DKK3: variants seen among roughly 807,000 people sequenced by gnomAD.
DKK3 encodes the protein dickkopf-related protein 3.
Under a neutral mutation model 33.2 loss-of-function variants are expected in DKK3, and 22 were observed. The ratio of observed to expected loss-of-function variants is 0.66; its 90% CI spans 0.47 to 0.95. The LOEUF is 0.95. Ranked by LOEUF, DKK3 falls within the 40% of genes least tolerant of loss-of-function variation. The pLI, the probability that DKK3 is intolerant of heterozygous loss-of-function variation, is 0.00. For missense variants in DKK3, 398 were observed against 458.4 expected (o/e 0.87, Z 1.20); for synonymous variants, 194 against 188.8 (o/e 1.03, Z -0.23).
intron 3 of DKK3, among the ~76,000 whole-genome samples, chr11:11,970,459 G>C (rs1847700352): frequency 6.6e-6 from 1 of 152,220 alleles, no homozygotes; most frequent in African/African-American, 2.4e-5. Context: ...GAAGAAATTA[G>C]AAAGGTTGAA....
At chr11:11,981,007 G>C (rs1425810257) in intron 3 of DKK3, among the ~76,000 whole-genome samples, 1 of 152,130 alleles carries the variant, frequency 6.6e-6, no homozygotes, top group African/African-American at 2.4e-5. Flanking sequence ...CAGCTTCTTC[G>C]ACCAAGGGAC....
At position 11,963,222 on chromosome 11, in the gene DKK3, G is replaced by C. The variant is rs927601845; in HGVS notation, c.*1242C>G. ...TGCAACTTTAAACTTTAAGAACTCT[G>C]GATGAATACATGGTGGCAACAGTCC... is the stretch of plus-strand genomic sequence containing the variant. On this transcript the variant is annotated 3_prime_UTR_variant, in exon 7 of 7. Coordinates refer to ENST00000683431, the MANE Select transcript of DKK3 (RefSeq NM_001018057.2). The C allele has an allele frequency of 6.6e-6, 1 of 152,644 alleles. No individual in the cohort carries two copies. Among genetic ancestry groups the C allele is most frequent in the Non-Finnish European group, 1.5e-5 (1 of 68,038 alleles). 9.5% of individuals were successfully genotyped at this position (152,644 alleles called of 1,614,324 possible).
Position 11,967,107 on chromosome 11 carries a change from AGGTGGAAAGAGCCTAGAGCCAGC to A in DKK3, c.529-32_529-10del. 6.2e-7 allele frequency: 1 copy of A among 1,612,514 alleles called. No homozygotes were observed. Among genetic ancestry groups the A allele is most frequent in the Non-Finnish European group, 8.5e-7 (1 of 1,179,432 alleles). ...CTGTCCCGGGTGCAGAGCTGCAGACAGGTGGAAAGAGCCTAGAGCCAGCGGCTTAGGGACTGGGGGCCTGCTGA... is the reference window on the plus strand; with the variant it reads ...CTGTCCCGGGTGCAGAGCTGCAGACAGGCTTAGGGACTGGGGGCCTGCTGA... On this transcript the variant is annotated splice_polypyrimidine_tract_variant and intron_variant, in intron 4 of 6. Coordinates refer to ENST00000683431, the MANE Select transcript of DKK3 (RefSeq NM_001018057.2).
chr11:11,964,349 A>G lies in DKK3; in HGVS notation c.*115T>C, dbSNP rs2134977644. ...CCTCATGCTGTCAAGCCAGAGGGGA[A>G]ACTTACTGGGAAGAAGATGTAGGAA... is the stretch of plus-strand genomic sequence containing the variant. On this transcript the variant is annotated 3_prime_UTR_variant, in exon 7 of 7. Transcript: ENST00000683431. 1 of 1,353,634 alleles carries G rather than the reference A, an allele frequency of 7.4e-7. No homozygotes were observed. Among genetic ancestry groups the G allele is most frequent in the Non-Finnish European group, 1.0e-6 (1 of 995,308 alleles). The allele number at this position is 1,353,634 out of a possible 1,614,324, so 83.9% of individuals were successfully genotyped here.
At chr11:11,969,473 C>T (rs967652044) in intron 3 of DKK3, among the ~76,000 whole-genome samples, 9 of 152,134 alleles carry the variant, frequency 5.9e-5, no homozygotes, top group African/African-American at 2.2e-4. Context: ...CAGAGAGGTC[C>T]CTCCAAGATA....
At chr11:11,969,052 G>C (rs529616762) in intron 3 of DKK3, among the ~76,000 whole-genome samples, 1 of 152,088 alleles carries the variant, frequency 6.6e-6, no homozygotes, top group Non-Finnish European at 1.5e-5. Flanking sequence ...ATTAGAGGAG[G>C]GTGGCTGGAC....
In DKK3 at chr11:11,989,321, T is replaced by C. The variant is rs1386318458; in HGVS notation, c.435+9375A>G. ...AAGGTGGAAGCAACCCAAGGGTGCA[T>C]TGACAAATGAATGGAGAAACAAAAC... On this transcript the variant is annotated intron_variant, in intron 3 of 6. Coordinates refer to ENST00000683431, the MANE Select transcript of DKK3 (RefSeq NM_001018057.2). Among the ~76,000 whole-genome samples, 7 of 152,182 alleles carry C rather than the reference T, an allele frequency of 4.6e-5. No homozygotes were observed. In the East Asian group the frequency reaches 7.7e-4, roughly 17 times the overall value.
Position 11,998,844 on chromosome 11 carries a change from TTTTGTG to T in DKK3, c.352-71_352-66del, listed in dbSNP as rs1789412212. ...ATTCTGGACAAATTCCACAAGTTGT[TTTTGTG>T]TTTTGTTTTCCATTTTCTGAAGCAG... On this transcript the variant is annotated intron_variant, in intron 2 of 6. Transcript: ENST00000683431. 2.0e-6 allele frequency: 3 copies of T among 1,472,740 alleles called. No individual in the cohort carries two copies. In the African/African-American group the frequency reaches 4.2e-5, roughly 21 times the overall value. 91.2% of individuals were successfully genotyped at this position (1,472,740 alleles called of 1,614,324 possible).
chr11:12,005,034 C>T (rs755813315), intron 1 of DKK3, among the ~76,000 whole-genome samples: 14 of 152,122 alleles, frequency 9.2e-5, no homozygotes, highest in African/African-American at 2.2e-4. Context: ...TAGAAAAAAA[C>T]GCAGCTGGGA....
intron 3 of DKK3, among the ~76,000 whole-genome samples, chr11:11,971,405 G>A (rs1847722814): frequency 6.6e-6 from 1 of 152,190 alleles, no homozygotes; most frequent in African/African-American, 2.4e-5. Context: ...CTGTAAAGCA[G>A]AATAATACCA....
chr11:12,003,568 A>C (rs895413064), intron 1 of DKK3, among the ~76,000 whole-genome samples: 1 of 152,090 alleles, frequency 6.6e-6, no homozygotes, highest in African/African-American at 2.4e-5. Context: ...GGCAGTTGAC[A>C]ATGTGACCTG....
At chr11:11,993,816 G>T (rs1848235388) in intron 3 of DKK3, among the ~76,000 whole-genome samples, 1 of 152,166 alleles carries the variant, frequency 6.6e-6, no homozygotes, top group Admixed American at 6.5e-5. Context: ...TCAACCTTAG[G>T]ACAATAAGTC....
At position 11,964,393 on chromosome 11, in the gene DKK3, G is replaced by A. The variant is rs998683477; in HGVS notation, c.*71C>T. On this transcript the variant is annotated 3_prime_UTR_variant, in exon 7 of 7. Coordinates refer to ENST00000683431, the MANE Select transcript of DKK3 (RefSeq NM_001018057.2). ...GTAGGAAGAAGCCTGGTCAGCCCAC[G>A]CCTAAAGCACACACCTGGGGAAATA... 1.5e-5 allele frequency: 24 copies of A among 1,555,080 alleles called. No homozygotes were observed. The highest frequency in any genetic ancestry group is 4.1e-5 in the African/African-American group (3 of 73,598).
intron 3 of DKK3, among the ~76,000 whole-genome samples, chr11:11,983,569 C>T (rs774379011): frequency 2.6e-5 from 4 of 152,236 alleles, no homozygotes; most frequent in Non-Finnish European, 1.5e-5. Flanking sequence ...ATGGGTAAGA[C>T]AGGCTGCAGA....
At chr11:11,990,061 TG>T (rs1323926097) in intron 3 of DKK3, among the ~76,000 whole-genome samples, 1 of 152,222 alleles carries the variant, frequency 6.6e-6, no homozygotes, top group African/African-American at 2.4e-5. Context: ...ATGAGTTTTT[TG>T]GAATGATGCC....
intron 2 of DKK3, among the ~76,000 whole-genome samples, chr11:12,001,472 A>C (rs1423731065): frequency 6.6e-6 from 1 of 152,216 alleles, no homozygotes; most frequent in Non-Finnish European, 1.5e-5. Context: ...TCTTTTGTGA[A>C]GCCGCTGTGC....
Position 11,964,212 on chromosome 11 carries a change from A to T in DKK3, c.*252T>A, listed in dbSNP as rs1847524234. 2 of 516,896 alleles carry T rather than the reference A, an allele frequency of 3.9e-6. No homozygotes were observed. Among genetic ancestry groups the T allele is most frequent in the Admixed American group, 3.4e-5 (1 of 29,464 alleles). The allele number at this position is 516,896 out of a possible 1,614,324, so 32.0% of individuals were successfully genotyped here. A position where few individuals can be genotyped will look rare whatever the true frequency, so the allele number is the denominator to read the frequency against. ...ACTGGTAGAGGCAAAGCAGCCAATA[A>T]TCTGGACAGGGGTGGCAAACTGCTC... is the stretch of plus-strand genomic sequence containing the variant. On this transcript the variant is annotated 3_prime_UTR_variant, in exon 7 of 7. Transcript: ENST00000683431.
chr11:11,982,702 C>T (rs1343167024), intron 3 of DKK3, among the ~76,000 whole-genome samples: 1 of 152,134 alleles, frequency 6.6e-6, no homozygotes, highest in Admixed American at 6.5e-5. Context: ...AGCCAGTCCT[C>T]GGGCCACAAG....
At chr11:11,971,029 A>ATTT (rs35525674) in intron 3 of DKK3, among the ~76,000 whole-genome samples, 23 of 138,948 alleles carry the variant, frequency 1.7e-4, no homozygotes, top group African/African-American at 5.3e-4. Context: ...AAAATTGAAG[A>ATTT]TTTTTTTTTT....
Sources: gnomAD v4.1 joint callset for allele counts (sites outside exome capture counted in the v4.1 genomes callset) on GRCh38, gnomAD v4.1.1 for gene constraint, MANE v1.5 for transcripts, NCBI Gene and HGNC (gene_info 2026-07-23, HGNC 2026-07-21) for gene names.